Variants in BRD8 observed in about 807,000 individuals in gnomAD.
BRD8 encodes bromodomain containing 8.
A neutral mutation model predicts 143.1 loss-of-function variants in BRD8; 67 were observed. That is an observed-to-expected ratio of 0.47 (90% CI 0.38 to 0.57). The LOEUF (loss-of-function observed/expected upper bound fraction) is 0.57, where lower values mean the gene tolerates loss of function less well. BRD8 is among the 20% of genes least tolerant of loss of function. The pLI is 0.00. For synonymous variants in BRD8, 505 were observed against 517.1 expected, an observed-to-expected ratio of 0.98 and a Z score of 0.32; for missense variants, 1,103 against 1,503.0, an observed-to-expected ratio of 0.73 and a Z score of 4.40.
intron 15 of BRD8, 79 bp from the exon 16 acceptor site, chr5:138,162,225 G>T: frequency 7.1e-6 from 8 of 1,123,330 alleles, no homozygotes; most frequent in Non-Finnish European, 1.0e-5. Context: ...TTTGAGACAG[G>T]GTCTCACTCT....
chr5:138,149,807 C>A lies in BRD8; in HGVS notation c.3121-10G>T. Reference sequence around the variant, plus strand: ...CTTGCTGAGCCTCCCCCTAGGAATGCCAGGAAACAGGAAACTTTAGAAGGA... The same window carrying A: ...CTTGCTGAGCCTCCCCCTAGGAATGACAGGAAACAGGAAACTTTAGAAGGA... On this transcript the variant is annotated splice_polypyrimidine_tract_variant and intron_variant, in intron 22 of 26. Transcript: ENST00000254900. 1 of 1,588,508 alleles carries A rather than the reference C, an allele frequency of 6.3e-7. No homozygotes were observed. Among genetic ancestry groups the A allele is most frequent in the Non-Finnish European group, 8.5e-7 (1 of 1,172,032 alleles).
At chr5:138,157,194 G>A in intron 20 of BRD8, 2 of 1,612,848 alleles carry the variant, frequency 1.2e-6, no homozygotes, top group Non-Finnish European at 1.7e-6. Context: ...CTCAAAGAGG[G>A]TAACTCTGAG....
chr5:138,154,598 C>T lies in BRD8; in HGVS notation c.2578-1838G>A, dbSNP rs146118368. ...TCTAACTCCTGGACTAATTGAATAC[C>T]TTTCCATTGCCTCACAAAGACTGTA... On this transcript the variant is annotated intron_variant, in intron 20 of 26. Transcript: ENST00000254900. 6.6e-5 allele frequency among the ~76,000 whole-genome samples: 10 copies of T among 152,220 alleles called. No individual in the cohort carries two copies. In the East Asian group the frequency reaches 1.9e-3, roughly 29 times the overall value.
Position 138,144,921 on chromosome 5 carries a change from AT to A in BRD8, c.3437+255del, listed in dbSNP as rs1353913643. 9.7e-4 allele frequency among the ~76,000 whole-genome samples: 94 copies of A among 97,398 alleles called. 1 individual carries two copies. The highest frequency in any genetic ancestry group is 2.5e-3 in the African/African-American group (77 of 30,914). The allele number at this position is 97,398 out of a possible 152,430, so 63.9% of individuals were successfully genotyped here. A position where few individuals can be genotyped will look rare whatever the true frequency, so the allele number is the denominator to read the frequency against. On this transcript the variant is annotated intron_variant, in intron 25 of 26. Coordinates refer to ENST00000254900, the MANE Select transcript of BRD8 (RefSeq NM_139199.2). ...GTCAAAAAAAAAAAAAAAAAAAAAT[AT>A]ATATATATATAGAATGGATCATATT... is the stretch of plus-strand genomic sequence containing the variant.
chr5:138,159,223 C>G (rs1420041674), intron 20 of BRD8, among the ~76,000 whole-genome samples: 2 of 152,138 alleles, frequency 1.3e-5, no homozygotes, highest in African/African-American at 4.8e-5. Flanking sequence ...CAGCTAGCAG[C>G]TCCTGCTCTG....
intron 8 of BRD8, chr5:138,168,708 CT>C: frequency 8.3e-7 from 1 of 1,210,052 alleles, no homozygotes; most frequent in Non-Finnish European, 1.2e-6. Context: ...AACAGAGAAC[CT>C]TTATCTGACT....
At chr5:138,148,530 A>G (rs561690080) in intron 23 of BRD8, among the ~76,000 whole-genome samples, 14 of 151,730 alleles carry the variant, frequency 9.2e-5, no homozygotes, top group Non-Finnish European at 2.1e-4. Flanking sequence ...CCCACACCCA[A>G]TAAATTTTGT....
intron 23 of BRD8, among the ~76,000 whole-genome samples, chr5:138,147,299 AATAT>A (rs4033080): frequency 6.8e-6 from 1 of 146,124 alleles, no homozygotes. Context: ...CTCTTCAAAA[AATAT>A]ATATATATAT....
intron 2 of BRD8, chr5:138,177,301 G>A (rs528790741): frequency 1.6e-5 from 4 of 244,018 alleles, no homozygotes; most frequent in Admixed American, 1.4e-4. Context: ...AGGCCGAGGT[G>A]GGGGGATCAC....
chr5:138,163,106 A>T (rs373047388), intron 15 of BRD8, 24 bp downstream of exon 15: 199 of 1,609,190 alleles, frequency 1.2e-4, no homozygotes, highest in Non-Finnish European at 1.6e-4. Flanking sequence ...CCTTGGCCTC[A>T]AAGAAAGAAT....
At chr5:138,157,207 T>C in intron 20 of BRD8, 9 of 1,613,444 alleles carry the variant, frequency 5.6e-6, no homozygotes, top group Non-Finnish European at 7.6e-6. Context: ...ACTCTGAGGC[T>C]TCACTTTTTC....
At position 138,170,399 on chromosome 5, in the gene BRD8, A is replaced by G. The variant is rs1753767817; in HGVS notation, c.451T>C (p.Leu151=). Residue 151 remains leucine (L), a synonymous_variant, in exon 7 of 27, where the codon TTG becomes CTG. Coordinates refer to ENST00000254900, the MANE Select transcript of BRD8 (RefSeq NM_139199.2). Reference sequence around the variant, plus strand: ...TTTACTTCAGCCTCCTCTTCTTCCAATTTCTTTTTCCTAAACAGGGAATTA... The same window carrying G: ...TTTACTTCAGCCTCCTCTTCTTCCAGTTTCTTTTTCCTAAACAGGGAATTA... ...LCNDIATKKK[L]EEEEAEVKRK... 6.2e-7 allele frequency: 1 copy of G among 1,614,008 alleles called. No homozygotes were observed. Among genetic ancestry groups the G allele is most frequent in the Non-Finnish European group, 8.5e-7 (1 of 1,180,000 alleles).
chr5:138,145,195 T>C lies in BRD8; in HGVS notation c.3419A>G (p.Tyr1140Cys), dbSNP rs745598906. 5 of 1,613,942 alleles carry C rather than the reference T, an allele frequency of 3.1e-6. No homozygotes were observed. Among genetic ancestry groups the C allele is most frequent in the Non-Finnish European group, 4.2e-6 (5 of 1,179,952 alleles). The change falls in exon 25 of 27, where the codon TAC (tyrosine) becomes TGC (cysteine). Residue 1140 changes from tyrosine to cysteine, a missense_variant. Physicochemically the swap from Tyr to Cys is radical, Grantham distance 194. Coordinates refer to ENST00000254900, the MANE Select transcript of BRD8 (RefSeq NM_139199.2). The stretch of plus-strand genomic sequence containing the variant: ...CACTGACCTTTTCACCACATCCTTG[T>C]ACCCTGGGGCCTGCCTTTCTGACAC... ...KPVSERQAPGYKDVVKRPMDL... is the reference protein window; with the variant it reads ...KPVSERQAPGCKDVVKRPMDL...
rs753470068 is a variant in BRD8, at chr5:138,164,808, T to C, written c.1637A>G (p.Glu546Gly). ...PPELRSQDLD[E>G]ELGSTAAGEI... Reference sequence around the variant, plus strand: ...TCCAGCTGCAGTACTTCCCAGTTCCTCATCTAAGTCCTGACTCCTGAGTTC... The same window carrying C: ...TCCAGCTGCAGTACTTCCCAGTTCCCCATCTAAGTCCTGACTCCTGAGTTC... The change falls in exon 12 of 27, where the codon GAG becomes GGG. Residue 546 changes from glutamate to glycine, a missense_variant. Around this residue, in one of 7 missense-constraint regions of BRD8, gnomAD observed 139 missense variants for 139.0 expected, o/e 1.00. Transcript: ENST00000254900. 6.2e-7 allele frequency: 1 copy of C among 1,614,234 alleles called. No homozygotes were observed. The highest frequency in any genetic ancestry group is 8.5e-7 in the Non-Finnish European group (1 of 1,180,040).
At chr5:138,157,249 G>A in intron 20 of BRD8, 1 of 1,613,684 alleles carries the variant, frequency 6.2e-7, no homozygotes, top group Non-Finnish European at 8.5e-7. Context: ...GCACAGCGGC[G>A]TCCCCTGGTT....
At chr5:138,145,489 G>C (rs1752112619) in intron 24 of BRD8, among the ~76,000 whole-genome samples, 1 of 152,142 alleles carries the variant, frequency 6.6e-6, no homozygotes, top group South Asian at 2.1e-4. Flanking sequence ...CCAAGGCCCT[G>C]TCTCTGTGAA....
At chr5:138,163,910 G>A (rs1252420849) in intron 14 of BRD8, among the ~76,000 whole-genome samples, 177 bp downstream of exon 14, 4 of 152,140 alleles carry the variant, frequency 2.6e-5, no homozygotes, top group African/African-American at 7.2e-5. Context: ...TCATATGGGA[G>A]GCACCTGTTG....
rs1753679246 is a variant in BRD8, at chr5:138,169,211, A to C, written c.642+11T>G. 1.2e-6 allele frequency: 2 copies of C among 1,612,564 alleles called. No individual in the cohort carries two copies. Among genetic ancestry groups the C allele is most frequent in the Non-Finnish European group, 1.7e-6 (2 of 1,179,712 alleles). On this transcript the variant is annotated intron_variant, in intron 8 of 26. Coordinates refer to ENST00000254900, the MANE Select transcript of BRD8 (RefSeq NM_139199.2). ...TCACTGATCAATTCCCACAGATGGAAATATACTCACCCCAGAGGTAGCCTC... is the reference window on the plus strand; with the variant it reads ...TCACTGATCAATTCCCACAGATGGACATATACTCACCCCAGAGGTAGCCTC...
intron 23 of BRD8, among the ~76,000 whole-genome samples, chr5:138,149,001 G>T (rs1422623351): frequency 1.3e-5 from 2 of 151,700 alleles, no homozygotes. Flanking sequence ...AGGAAGTCAA[G>T]CTGCAGTGAG....
Sources: gnomAD v4.1 joint callset for allele counts (sites outside exome capture counted in the v4.1 genomes callset) on GRCh38, gnomAD v4.1.1 for gene constraint, gnomAD v4.1.1 regional missense constraint, MANE v1.5 for transcripts, NCBI Gene and HGNC (gene_info 2026-07-23, HGNC 2026-07-21) for gene names.